Variants in LAMC3 observed in about 807,000 individuals in gnomAD.
LAMC3 encodes laminin subunit gamma-3.
A neutral mutation model predicts 173.8 loss-of-function variants in LAMC3; 128 were observed. The ratio of observed to expected loss-of-function variants is 0.74; its 90% CI spans 0.64 to 0.85. The LOEUF is 0.85. Among genes scored for constraint, LAMC3 ranks in the 40% least tolerant of loss-of-function variants. LAMC3 has a pLI of 0.00. For synonymous variants in LAMC3, 897 were observed against 909.1 expected (o/e 0.99, Z 0.24); for missense variants, 2,022 against 2,156.0 (o/e 0.94, Z 1.23).
At chr9:131,069,093 C>A in intron 16 of LAMC3, 43 bp downstream of exon 16, 1 of 1,608,318 alleles carries the variant, frequency 6.2e-7, no homozygotes. Flanking sequence ...GAGGGTGGGG[C>A]CCGAGGGTCT....
rs925737321 is a variant in LAMC3, at chr9:131,026,947, A to G, written c.678+358A>G. 3.3e-5 allele frequency among the ~76,000 whole-genome samples: 5 copies of G among 152,020 alleles called. No individual in the cohort carries two copies. The highest frequency in any genetic ancestry group is 7.4e-5 in the Non-Finnish European group (5 of 67,978). On this transcript the variant is annotated intron_variant, in intron 2 of 27. Coordinates refer to ENST00000361069, the MANE Select transcript of LAMC3 (RefSeq NM_006059.4). This position sits in a 1 kb window ranked among gnomAD's most constrained non-coding sequence, Gnocchi z 4.8. ...GGCTGGTCTTGAACTCCTGACATTA[A>G]GCGATCCACCTGCCTCGGCCTCCCA...
At chr9:131,068,356 G>T (rs2133316401) in intron 15 of LAMC3, 125 bp downstream of exon 15, 1 of 990,536 alleles carries the variant, frequency 1.0e-6, no homozygotes, top group African/African-American at 1.6e-5. Flanking sequence ...GGCACATTGT[G>T]CCCTTTGCCG....
At position 131,069,767 on chromosome 9, in the gene LAMC3, C is replaced by G. The variant is rs144084540; in HGVS notation, c.2986C>G (p.Arg996Gly). The G allele has an allele frequency of 6.3e-7, 1 of 1,596,168 alleles. No individual in the cohort carries two copies. The highest frequency in any genetic ancestry group is 8.5e-7 in the Non-Finnish European group (1 of 1,171,772). ...RPGFEGYKCD[R>G]CHDNFFLTAD... ...TGGCTTCGAGGGCTACAAATGTGACCGCTGCCACGACAACTTCTTCCTCAC... is the reference window on the plus strand; with the variant it reads ...TGGCTTCGAGGGCTACAAATGTGACGGCTGCCACGACAACTTCTTCCTCAC... Residue 996 changes from arginine to glycine, a missense_variant, in exon 17 of 28, where the codon CGC (arginine) becomes GGC (glycine). Transcript: ENST00000361069.
rs1201577214 is a variant in LAMC3 at position 131,025,144 on chromosome 9, C to T, written c.374-1141C>T. Reference sequence around the variant, plus strand: ...GAACTGTGGAAGGCGGCAGTTCTCCCGCGCCCGCACCCCAGGCTCCCTCTC... The same window carrying T: ...GAACTGTGGAAGGCGGCAGTTCTCCTGCGCCCGCACCCCAGGCTCCCTCTC... On this transcript the variant is annotated intron_variant, in intron 1 of 27. Transcript: ENST00000361069. Among the ~76,000 whole-genome samples, 5 of 152,262 alleles carry T rather than the reference C, an allele frequency of 3.3e-5. No individual in the cohort carries two copies. In the South Asian group the frequency reaches 6.2e-4, roughly 19 times the overall value.
chr9:131,086,330 G>A (rs1303813322), intron 25 of LAMC3, among the ~76,000 whole-genome samples: 3 of 151,496 alleles, frequency 2.0e-5, no homozygotes, highest in Non-Finnish European at 2.9e-5. Context: ...CACCTACCTT[G>A]GCCTCCCAAA....
At chr9:131,056,861 G>A (rs1301451067) in intron 11 of LAMC3, 68 bp from the exon 12 acceptor site, 6 of 1,281,654 alleles carry the variant, frequency 4.7e-6, no homozygotes, top group Non-Finnish European at 5.6e-6. Flanking sequence ...GAACAGGAAG[G>A]TTTTGGGGGG....
At chr9:131,072,968 G>A (rs1294938941) in intron 19 of LAMC3, 133 bp downstream of exon 19, 2 of 859,472 alleles carry the variant, frequency 2.3e-6, no homozygotes, top group Non-Finnish European at 3.9e-6. Context: ...GCAAAGTGGG[G>A]ATCACACAGT....
In LAMC3 at chr9:131,053,021, G is replaced by A. The variant is rs1465907037; in HGVS notation, c.1939+56G>A. 2.3e-6 allele frequency: 3 copies of A among 1,319,462 alleles called. No homozygotes were observed. The East Asian group carries it at 7.0e-5, about 31-fold the overall frequency. 81.7% of individuals were successfully genotyped at this position (1,319,462 alleles called of 1,614,324 possible). On this transcript the variant is annotated intron_variant, in intron 11 of 27. Coordinates refer to ENST00000361069, the MANE Select transcript of LAMC3 (RefSeq NM_006059.4). ...CGAGTGCTTGCCAGGTCTCAGAACT[G>A]GGCTGGGCTCCGGCGGTCACAGTCT...
intron 22 of LAMC3, among the ~76,000 whole-genome samples, chr9:131,077,679 A>C (rs1444142610): frequency 3.0e-5 from 1 of 33,334 alleles, no homozygotes; most frequent in African/African-American, 2.3e-4. Context: ...TCCATCTCAA[A>C]AAAAAAAAAA....
Position 131,079,187 on chromosome 9 carries a change from G to T in LAMC3, c.3816G>T (p.Ala1272=). Residue 1272 remains alanine (A), a synonymous_variant, in exon 23 of 28, where the codon GCG becomes GCT. Transcript: ENST00000361069. ...KSRAEDLGLK[A]KALEKTVASW... ...GGGCTGAAGACCTGGGCCTGAAGGC[G>T]AAGGCCCTGGAGAAGACAGTTGCAT... 6.2e-7 allele frequency: 1 copy of T among 1,613,942 alleles called. No individual in the cohort carries two copies. The highest frequency in any genetic ancestry group is 1.1e-5 in the South Asian group (1 of 91,014).
chr9:131,048,171 C>T (rs903419066), intron 8 of LAMC3, among the ~76,000 whole-genome samples: 1 of 151,188 alleles, frequency 6.6e-6, no homozygotes, highest in African/African-American at 2.4e-5. Flanking sequence ...ATTCTCCTGC[C>T]TCAGCCTCCT....
chr9:131,072,030 C>T (rs1001500514), intron 18 of LAMC3, among the ~76,000 whole-genome samples: 6 of 151,224 alleles, frequency 4.0e-5, no homozygotes, highest in Non-Finnish European at 7.4e-5. Context: ...TGTGGTGGCT[C>T]GTTCCTGTAA....
Position 131,046,518 on chromosome 9 carries a change from A to ATTTTTTT in LAMC3, c.1519+878_1519+884dup, listed in dbSNP as rs71501242. On this transcript the variant is annotated intron_variant, in intron 8 of 27. Transcript: ENST00000361069. ...ACCACCATGCCGAGCTAATTTTTGT[A>ATTTTTTT]TTTTTTTTTTTTTTTTTTTTTTTTT... Among the ~76,000 whole-genome samples, 31 of 49,164 alleles carry ATTTTTTT rather than the reference A, an allele frequency of 6.3e-4. 3 individuals carry two copies. Among genetic ancestry groups the ATTTTTTT allele is most frequent in the East Asian group, 1.4e-3 (2 of 1,466 alleles). The allele number at this position is 49,164 out of a possible 152,430, so 32.3% of individuals were successfully genotyped here.
rs1490702501 is a variant in LAMC3 at position 131,079,153 on chromosome 9, A to G, written c.3782A>G (p.Gln1261Arg). 6.2e-7 allele frequency: 1 copy of G among 1,613,318 alleles called. No homozygotes were observed. The highest frequency in any genetic ancestry group is 1.3e-5 in the African/African-American group (1 of 75,062). The change falls in exon 23 of 28, where the codon CAG (glutamine) becomes CGG (arginine). Residue 1261 changes from glutamine (Q) to arginine (R), a missense_variant. Gln to Arg is a conservative substitution (Grantham distance 43). Transcript: ENST00000361069. ...GAGCGCATTGTCTCCCTGCAGCCTC[A>G]GAAGTCCCGGGCTGAAGACCTGGGC... ...ALLASPGALP[Q>R]KSRAEDLGLK...
chr9:131,032,615 T>TCTCTCTCTCTCA (rs1833859617), intron 3 of LAMC3, among the ~76,000 whole-genome samples: 1 of 145,884 alleles, frequency 6.9e-6, no homozygotes, highest in Non-Finnish European at 1.5e-5. Flanking sequence ...TCTCTCTCTC[T>TCTCTCTCTCTCA]CTCTCTCTCA....
chr9:131,029,882 C>G lies in LAMC3; in HGVS notation c.679-2163C>G, dbSNP rs1377373356. Reference sequence around the variant, plus strand: ...ATCCATCTAAAATCAACTCCAGCACCCACTCATAGCTTAAGCTGGAGTTCC... The same window carrying G: ...ATCCATCTAAAATCAACTCCAGCACGCACTCATAGCTTAAGCTGGAGTTCC... On this transcript the variant is annotated intron_variant, in intron 2 of 27. Transcript: ENST00000361069. This position sits in a 1 kb window ranked among gnomAD's most constrained non-coding sequence, Gnocchi z 4.6. Among the ~76,000 whole-genome samples the G allele has an allele frequency of 6.6e-6, 1 of 152,178 alleles. No individual in the cohort carries two copies. The highest frequency in any genetic ancestry group is 2.4e-5 in the African/African-American group (1 of 41,446).
intron 9 of LAMC3, among the ~76,000 whole-genome samples, chr9:131,051,365 CTT>C (rs58477043): frequency 2.3e-4 from 29 of 126,806 alleles, no homozygotes; most frequent in Middle Eastern, 4.1e-3. Context: ...TTTTACCATT[CTT>C]TTTTTTTTTT....
At chr9:131,071,712 C>A in intron 18 of LAMC3, 87 bp downstream of exon 18, 2 of 1,399,940 alleles carry the variant, frequency 1.4e-6, no homozygotes, top group Non-Finnish European at 9.5e-7. Flanking sequence ...GCTTTGGGGG[C>A]CCTCCCAAAA....
intron 20 of LAMC3, among the ~76,000 whole-genome samples, chr9:131,073,547 C>T (rs955651965): frequency 1.3e-5 from 2 of 152,124 alleles, no homozygotes; most frequent in African/African-American, 2.4e-5. Flanking sequence ...GAGCATCTGC[C>T]GGCTTTCTCT....
Sources: gnomAD v4.1 joint callset for allele counts (sites outside exome capture counted in the v4.1 genomes callset) on GRCh38, gnomAD v4.1.1 for gene constraint, Gnocchi (gnomAD v3.1) non-coding constraint, MANE v1.5 for transcripts, NCBI Gene and HGNC (gene_info 2026-07-23, HGNC 2026-07-21) for gene names.